Variants in TSG101 observed in about 807,000 individuals in gnomAD.
TSG101 encodes tumor susceptibility 101, also known as tumor susceptibility gene 101 protein.
Under a neutral mutation model 48.5 loss-of-function variants are expected in TSG101, and 19 were observed. That is an observed-to-expected ratio of 0.39 (90% CI 0.27 to 0.58). TSG101 has a LOEUF of 0.58. Ranked by LOEUF, TSG101 falls within the 20% of genes least tolerant of loss-of-function variation. TSG101 has a pLI of 0.55. For missense variants in TSG101, 365 were observed against 484.4 expected, an observed-to-expected ratio of 0.75 and a Z score of 2.31; for synonymous variants, 174 against 169.4, an observed-to-expected ratio of 1.03 and a Z score of -0.21.
chr11:18,506,975 G>A lies in TSG101; in HGVS notation c.482-52C>T, dbSNP rs772037584. 2.8e-6 allele frequency: 4 copies of A among 1,438,910 alleles called. No individual in the cohort carries two copies. The South Asian group carries it at 4.8e-5, about 17-fold the overall frequency. 89.1% of individuals were successfully genotyped at this position (1,438,910 alleles called of 1,614,324 possible). On this transcript the variant is annotated intron_variant, in intron 5 of 9. Transcript: ENST00000251968. ...AAAATAATATACAAGGCCTGAATAT[G>A]TAGGCTACTGAATAAGATATACATC...
intron 1 of TSG101, among the ~76,000 whole-genome samples, chr11:18,523,983 GT>G (rs1258799951): frequency 2.6e-5 from 4 of 152,164 alleles, no homozygotes; most frequent in Non-Finnish European, 5.9e-5. Flanking sequence ...TAGAGACAGA[GT>G]CTAGCTATGT....
intron 1 of TSG101, among the ~76,000 whole-genome samples, chr11:18,524,317 G>GA (rs1850330708): frequency 6.6e-6 from 1 of 152,042 alleles, no homozygotes; most frequent in Non-Finnish European, 1.5e-5. Flanking sequence ...ATGCTCAAGG[G>GA]AAAAAAAGAC....
intron 7 of TSG101, among the ~76,000 whole-genome samples, chr11:18,492,826 C>T (rs892642697): frequency 5.3e-5 from 8 of 150,518 alleles, no homozygotes; most frequent in Middle Eastern, 3.5e-3. Flanking sequence ...AAGAAAAACC[C>T]AGAGTTTTTC....
intron 7 of TSG101, chr11:18,490,569 G>T: frequency 2.1e-6 from 1 of 480,818 alleles, no homozygotes; most frequent in Non-Finnish European, 4.0e-6. Flanking sequence ...GTTGTCTCCA[G>T]ATGCCACTTC....
In TSG101 at chr11:18,484,310, CCAAA is replaced by C. The variant is rs531015970; in HGVS notation, c.641-242_641-239del. 2.6e-3 allele frequency among the ~76,000 whole-genome samples: 397 copies of C among 152,274 alleles called. 2 individuals are homozygous for C. Among genetic ancestry groups the C allele is most frequent in the Non-Finnish European group, 4.4e-3 (296 of 68,032 alleles). On this transcript the variant is annotated intron_variant, in intron 7 of 9. Coordinates refer to ENST00000251968, the MANE Select transcript of TSG101 (RefSeq NM_006292.4). The stretch of plus-strand genomic sequence containing the variant: ...TAAACCCAGTTTCCCTATTCATAGC[CCAAA>C]CAATTAGCTACAATTAGTTATTTTC...
chr11:18,489,337 C>T (rs1377171832), intron 7 of TSG101, among the ~76,000 whole-genome samples: 2 of 151,894 alleles, frequency 1.3e-5, no homozygotes, highest in African/African-American at 4.8e-5. Context: ...TACGCTCAGG[C>T]GATCCTCCTG....
rs1850354962 is a variant in TSG101, at chr11:18,525,485, G to A, written c.42+1290C>T. Among the ~76,000 whole-genome samples, 5 of 146,892 alleles carry A rather than the reference G, an allele frequency of 3.4e-5. No individual in the cohort carries two copies. In the South Asian group the frequency reaches 1.1e-3, roughly 32 times the overall value. On this transcript the variant is annotated intron_variant, in intron 1 of 9. Coordinates refer to ENST00000251968, the MANE Select transcript of TSG101 (RefSeq NM_006292.4). ...CGCTTGAACCTGGGAGGCGGAGATTGCAGTGAGCCAAGATCGTGCCACTGC... is the reference window on the plus strand; with the variant it reads ...CGCTTGAACCTGGGAGGCGGAGATTACAGTGAGCCAAGATCGTGCCACTGC...
chr11:18,490,943 A>T (rs1421349768), intron 7 of TSG101: 20 of 332,246 alleles, frequency 6.0e-5, no homozygotes, highest in Admixed American at 5.5e-4. Flanking sequence ...GTACCAGCTC[A>T]CTTTTATCCA....
At chr11:18,482,391 C>G (rs556748225) in intron 8 of TSG101, among the ~76,000 whole-genome samples, 6 of 152,134 alleles carry the variant, frequency 3.9e-5, no homozygotes, top group Non-Finnish European at 5.9e-5. Context: ...TTGGCTACTT[C>G]GAGGCTCATT....
intron 8 of TSG101, among the ~76,000 whole-genome samples, chr11:18,483,119 G>T (rs1045140396): frequency 7.2e-5 from 11 of 152,052 alleles, no homozygotes; most frequent in East Asian, 1.9e-4. Flanking sequence ...TCTCGTGATA[G>T]TAAGTCTCAC....
intron 4 of TSG101, among the ~76,000 whole-genome samples, chr11:18,509,912 T>TA (rs1850050163): frequency 6.6e-6 from 1 of 152,208 alleles, no homozygotes; most frequent in African/African-American, 2.4e-5. Flanking sequence ...GCAAAATTCA[T>TA]AGAGTTTTGT....
chr11:18,487,567 A>G (rs1187711363), intron 7 of TSG101, among the ~76,000 whole-genome samples: 1 of 152,196 alleles, frequency 6.6e-6, no homozygotes, highest in East Asian at 1.9e-4. Context: ...TAGTCTCACT[A>G]TGTTGCTCAG....
chr11:18,497,720 C>G (rs570734158), intron 7 of TSG101, among the ~76,000 whole-genome samples: 70 of 152,250 alleles, frequency 4.6e-4, no homozygotes, highest in African/African-American at 1.6e-3. Context: ...AATAAGAGAG[C>G]TTCACCAGAT....
chr11:18,504,381 TA>T (rs1849936033), intron 6 of TSG101, among the ~76,000 whole-genome samples: 1 of 152,040 alleles, frequency 6.6e-6, no homozygotes, highest in Non-Finnish European at 1.5e-5. Flanking sequence ...AGATTCAATG[TA>T]ATCATGGTAC....
intron 4 of TSG101, among the ~76,000 whole-genome samples, chr11:18,510,186 C>CA (rs1013753564): frequency 1.3e-5 from 2 of 151,964 alleles, no homozygotes; most frequent in Non-Finnish European, 2.9e-5. Flanking sequence ...TTTGGGAGGC[C>CA]AAGGTGGGTG....
chr11:18,488,111 G>C (rs551904396), intron 7 of TSG101, among the ~76,000 whole-genome samples: 38 of 152,282 alleles, frequency 2.5e-4, no homozygotes, highest in African/African-American at 8.7e-4. Flanking sequence ...CAGAATACTG[G>C]TTAAGGAAAA....
At chr11:18,492,455 C>T (rs1023896590) in intron 7 of TSG101, among the ~76,000 whole-genome samples, 14 of 152,108 alleles carry the variant, frequency 9.2e-5, no homozygotes, top group Non-Finnish European at 2.1e-4. Flanking sequence ...TATACTGATG[C>T]TAAATTTTTA....
intron 7 of TSG101, among the ~76,000 whole-genome samples, chr11:18,496,333 T>C (rs1358226466): frequency 6.6e-6 from 1 of 150,960 alleles, no homozygotes; most frequent in Non-Finnish European, 1.5e-5. Context: ...TCTCAGCTAC[T>C]CAGGATGCTG....
At chr11:18,494,748 C>A (rs1042475950) in intron 7 of TSG101, among the ~76,000 whole-genome samples, 5 of 152,014 alleles carry the variant, frequency 3.3e-5, no homozygotes, top group Non-Finnish European at 7.3e-5. Context: ...AGCAAGCGTG[C>A]ACTAGTAAAC....
Sources: allele counts gnomAD v4.1 joint callset (sites outside exome capture counted in the v4.1 genomes callset), GRCh38; gene constraint gnomAD v4.1.1; transcripts MANE v1.5; gene names NCBI Gene and HGNC (gene_info 2026-07-23, HGNC 2026-07-21).